Variants in ADAT3 observed in about 807,000 individuals in gnomAD.
The protein encoded by ADAT3 is tRNA-specific adenosine-34 deaminase regulatory subunit ADAT3.
ADAT3 carries 2 observed loss-of-function variants against 3.5 expected under a neutral mutation model. The ratio of observed to expected loss-of-function variants is 0.57; its 90% CI spans 0.23 to 1.79. The LOEUF is 1.79. Ranked by LOEUF, ADAT3 falls within the 40% of genes most tolerant of loss-of-function variation. The probability of loss-of-function intolerance (pLI) is 0.18; values close to 1 mark genes in which losing one functional copy is unlikely to be tolerated. For missense variants in ADAT3, 735 were observed against 571.4 expected (o/e 1.29, Z -2.92); for synonymous variants, 358 against 270.3 (o/e 1.32, Z -3.18).
In ADAT3 at chr19:1,913,175, C is replaced by T; in HGVS notation, c.*24C>T. On this transcript the variant is annotated 3_prime_UTR_variant, in exon 2 of 2. Coordinates refer to ENST00000329478, the MANE Select transcript of ADAT3 (RefSeq NM_138422.4). ...AGGCGCCGCCCTCCTGCCTCCGGAC[C>T]CTTCCCGCTCCCGGCCGTGGGGCGC... The T allele has an allele frequency of 1.3e-6, 2 of 1,489,508 alleles. No individual in the cohort carries two copies. The highest frequency in any genetic ancestry group is 1.8e-6 in the Non-Finnish European group (2 of 1,120,590). The allele number at this position is 1,489,508 out of a possible 1,614,324, so 92.3% of individuals were successfully genotyped here.
intron 1 of ADAT3, chr19:1,905,661 G>A (rs1046217307): frequency 5.0e-5 from 8 of 158,682 alleles, no homozygotes; most frequent in African/African-American, 1.7e-4. Flanking sequence ...GCTGGCCTGG[G>A]GGAAGCCTCA....
chr19:1,908,778 T>G lies in ADAT3; in HGVS notation c.-158-3112T>G. On this transcript the variant is annotated intron_variant, in intron 1 of 1. Coordinates refer to ENST00000329478, the MANE Select transcript of ADAT3 (RefSeq NM_138422.4). This position sits in a 1 kb window ranked among gnomAD's most constrained non-coding sequence, Gnocchi z 4.2. ...TCTCCTGAGTAGCTGGGACTACATG[T>G]GCACACCACCGTGCCCAACTAATTT... The G allele has an allele frequency of 5.7e-6, 2 of 352,570 alleles. No individual in the cohort carries two copies. The highest frequency in any genetic ancestry group is 1.1e-5 in the Non-Finnish European group (2 of 180,066). 21.8% of individuals were successfully genotyped at this position (352,570 alleles called of 1,614,324 possible). A position where few individuals can be genotyped will look rare whatever the true frequency, so the allele number is the denominator to read the frequency against.
Position 1,912,473 on chromosome 19 carries a change from G to T in ADAT3, c.426G>T (p.Val142=). 1.3e-6 allele frequency: 2 copies of T among 1,500,286 alleles called. No homozygotes were observed. Among genetic ancestry groups the T allele is most frequent in the Non-Finnish European group, 1.8e-6 (2 of 1,132,076 alleles). The allele number at this position is 1,500,286 out of a possible 1,614,324, so 92.9% of individuals were successfully genotyped here. ...DPRGLGQPFL[V]PVPARPPLTR... The stretch of plus-strand genomic sequence containing the variant: ...GCGGCCTGGGGCAACCCTTCCTGGT[G>T]CCCGTGCCCGCCCGGCCGCCTCTGA... Residue 142 remains valine, a synonymous_variant, in exon 2 of 2, where the codon GTG becomes GTT. Transcript: ENST00000329478.
At chr19:1,911,563 G>A (rs555093990) in intron 1 of ADAT3, among the ~76,000 whole-genome samples, 3 of 152,172 alleles carry the variant, frequency 2.0e-5, no homozygotes, top group African/African-American at 4.8e-5. Context: ...GGTGGATCAC[G>A]TGAGGTTAGG....
chr19:1,905,788 A>T (rs940486593), intron 1 of ADAT3: 2 of 152,382 alleles, frequency 1.3e-5, no homozygotes, highest in African/African-American at 4.8e-5. Flanking sequence ...CATGTCCCGC[A>T]GTCCCCTGCC....
In ADAT3 at chr19:1,913,424, G is replaced by A. The variant is rs2013608384; in HGVS notation, c.*273G>A. ...CGCGGGCCGGGAAACTGCTCTGATG[G>A]GAAAATAAACAGCCCAAAACCAAGT... On this transcript the variant is annotated 3_prime_UTR_variant, in exon 2 of 2. Transcript: ENST00000329478. 1.4e-5 allele frequency: 8 copies of A among 571,044 alleles called. No homozygotes were observed. The South Asian group carries it at 1.8e-4, about 13-fold the overall frequency. The allele number at this position is 571,044 out of a possible 1,614,324, so 35.4% of individuals were successfully genotyped here. A position where few individuals can be genotyped will look rare whatever the true frequency, so the allele number is the denominator to read the frequency against.
intron 1 of ADAT3, 121 bp downstream of exon 1, chr19:1,905,560 G>A (rs754065): frequency 3.4e-6 from 1 of 290,632 alleles, no homozygotes; most frequent in Non-Finnish European, 7.6e-6. Flanking sequence ...GGAGAAAACG[G>A]GGGGCCCAGG....
chr19:1,908,416 G>A lies in ADAT3; in HGVS notation c.-159+2977G>A. 2.2e-6 allele frequency: 1 copy of A among 457,458 alleles called. No homozygotes were observed. Among genetic ancestry groups the A allele is most frequent in the Non-Finnish European group, 4.6e-6 (1 of 219,482 alleles). The allele number at this position is 457,458 out of a possible 1,614,324, so 28.3% of individuals were successfully genotyped here. On this transcript the variant is annotated intron_variant, in intron 1 of 1. Coordinates refer to ENST00000329478, the MANE Select transcript of ADAT3 (RefSeq NM_138422.4). The surrounding 1 kb of genome is among the most constrained non-coding windows in gnomAD (Gnocchi z 4.2). ...CCCCGGCGGCTGAGGCGTGGACCAGGCAGTGCATGTCGAGGAGTAGCACCC... is the reference window on the plus strand; with the variant it reads ...CCCCGGCGGCTGAGGCGTGGACCAGACAGTGCATGTCGAGGAGTAGCACCC...
At position 1,910,395 on chromosome 19, in the gene ADAT3, G is replaced by A. The variant is rs571403674; in HGVS notation, c.-158-1495G>A. ...CTGCTTCCAGGCTCTGGCTTCTGGA[G>A]ATGCAGAGATCACATCAGTGGTTGC... On this transcript the variant is annotated intron_variant, in intron 1 of 1. Transcript: ENST00000329478. 8.6e-4 allele frequency among the ~76,000 whole-genome samples: 131 copies of A among 152,326 alleles called. 1 individual carries two copies. Among genetic ancestry groups the A allele is most frequent in the African/African-American group, 2.4e-3 (99 of 41,576 alleles).
chr19:1,912,930 T>A lies in ADAT3; in HGVS notation c.883T>A (p.Cys295Ser), dbSNP rs2013562459. ...AGACGAGGACGGCCTCCCCTACCTG[T>A]GCACTGGCTACGACCTGTACGTGAC... ...DADEDGLPYL[C>S]TGYDLYVTRE... The change falls in exon 2 of 2, where the codon TGC becomes AGC. Residue 295 changes from cysteine (C) to serine (S), a missense_variant. Transcript: ENST00000329478. 1 of 1,610,176 alleles carries A rather than the reference T, an allele frequency of 6.2e-7. No homozygotes were observed.
In ADAT3 at chr19:1,911,956, C is replaced by T. The variant is rs2013473683; in HGVS notation, c.-92C>T. ...CCTGGGCCGGAGCCCTCGGACTAGC[C>T]TCAGCTTTGGTGGCAGCACGCCCTG... On this transcript the variant is annotated 5_prime_UTR_variant, in exon 2 of 2. Coordinates refer to ENST00000329478, the MANE Select transcript of ADAT3 (RefSeq NM_138422.4). The T allele has an allele frequency of 5.7e-6, 8 of 1,399,362 alleles. No homozygotes were observed. Among genetic ancestry groups the T allele is most frequent in the Non-Finnish European group, 7.4e-6 (8 of 1,081,618 alleles). The allele number at this position is 1,399,362 out of a possible 1,614,324, so 86.7% of individuals were successfully genotyped here. A position where few individuals can be genotyped will look rare whatever the true frequency, so the allele number is the denominator to read the frequency against.
chr19:1,908,609 C>T lies in ADAT3; in HGVS notation c.-159+3170C>T. 1 of 470,714 alleles carries T rather than the reference C, an allele frequency of 2.1e-6. No homozygotes were observed. Among genetic ancestry groups the T allele is most frequent in the Non-Finnish European group, 4.4e-6 (1 of 226,932 alleles). The allele number at this position is 470,714 out of a possible 1,614,324, so 29.2% of individuals were successfully genotyped here. Reference sequence around the variant, plus strand: ...CCAGCACCATCTGAGGCAGTACTGTCTGCTAGAAATAACTGTGAGCACACA... The same window carrying T: ...CCAGCACCATCTGAGGCAGTACTGTTTGCTAGAAATAACTGTGAGCACACA... On this transcript the variant is annotated intron_variant, in intron 1 of 1. Coordinates refer to ENST00000329478, the MANE Select transcript of ADAT3 (RefSeq NM_138422.4). This position sits in a 1 kb window ranked among gnomAD's most constrained non-coding sequence, Gnocchi z 4.2.
rs774629013 is a variant in ADAT3, at chr19:1,913,158, C to T, written c.*7C>T. The stretch of plus-strand genomic sequence containing the variant: ...GCTGGACCCCGACACGTAGGCGCCG[C>T]CCTCCTGCCTCCGGACCCTTCCCGC... On this transcript the variant is annotated 3_prime_UTR_variant, in exon 2 of 2. Transcript: ENST00000329478. 124 of 1,530,416 alleles carry T rather than the reference C, an allele frequency of 8.1e-5. No individual in the cohort carries two copies. In the Middle Eastern group the frequency reaches 2.4e-3, roughly 30 times the overall value. 94.8% of individuals were successfully genotyped at this position (1,530,416 alleles called of 1,614,324 possible). A position where few individuals can be genotyped will look rare whatever the true frequency, so the allele number is the denominator to read the frequency against.
rs1304620717 is a variant in ADAT3, at chr19:1,912,922, C to CCTACCTGTGCACTGGCTA, written c.877_894dup (p.Tyr293_Tyr298dup). On this transcript the variant is annotated inframe_insertion, in exon 2 of 2. Coordinates refer to ENST00000329478, the MANE Select transcript of ADAT3 (RefSeq NM_138422.4). Reference sequence around the variant, plus strand: ...CTGGACGCAGACGAGGACGGCCTCCCCTACCTGTGCACTGGCTACGACCTG... The same window carrying CCTACCTGTGCACTGGCTA: ...CTGGACGCAGACGAGGACGGCCTCCCCTACCTGTGCACTGGCTACTACCTGTGCACTGGCTACGACCTG... 3.1e-6 allele frequency: 5 copies of CCTACCTGTGCACTGGCTA among 1,610,028 alleles called. No individual in the cohort carries two copies. In the African/African-American group the frequency reaches 6.7e-5, roughly 21 times the overall value.
In ADAT3 at chr19:1,912,222, G is replaced by C; in HGVS notation, c.175G>C (p.Val59Leu). ...SEKQSGDVEL[V>L]LAYAAPVLDK... Reference sequence around the variant, plus strand: ...GAAGCAGTCAGGGGACGTGGAGCTGGTGCTGGCCTACGCCGCGCCCGTCCT... The same window carrying C: ...GAAGCAGTCAGGGGACGTGGAGCTGCTGCTGGCCTACGCCGCGCCCGTCCT... The change falls in exon 2 of 2, where the codon GTG becomes CTG. Residue 59 changes from valine to leucine, a missense_variant. Physicochemically the swap from Val to Leu is conservative, Grantham distance 32. Transcript: ENST00000329478. 1 of 1,594,980 alleles carries C rather than the reference G, an allele frequency of 6.3e-7. No individual in the cohort carries two copies. Among genetic ancestry groups the C allele is most frequent in the Non-Finnish European group, 8.5e-7 (1 of 1,173,852 alleles).
intron 1 of ADAT3, among the ~76,000 whole-genome samples, chr19:1,907,567 C>G (rs1172338458): frequency 6.6e-6 from 1 of 152,112 alleles, no homozygotes; most frequent in Non-Finnish European, 1.5e-5. Flanking sequence ...TACCCAGGTC[C>G]CGGCGCGGAC....
At chr19:1,910,904 G>GT (rs1385442540) in intron 1 of ADAT3, among the ~76,000 whole-genome samples, 1 of 151,246 alleles carries the variant, frequency 6.6e-6, no homozygotes, top group East Asian at 1.9e-4. Context: ...GTCTCGCGCT[G>GT]TTACCAGGCT....
Position 1,908,304 on chromosome 19 carries a change from T to G in ADAT3, c.-159+2865T>G, listed in dbSNP as rs1162728964. 10 of 332,592 alleles carry G rather than the reference T, an allele frequency of 3.0e-5. No homozygotes were observed. The highest frequency in any genetic ancestry group is 4.2e-5 in the Non-Finnish European group (7 of 167,614). The allele number at this position is 332,592 out of a possible 1,614,324, so 20.6% of individuals were successfully genotyped here. A position where few individuals can be genotyped will look rare whatever the true frequency, so the allele number is the denominator to read the frequency against. ...CTGTGCTTTGTTGAACGCGTGAGCT[T>G]CGGGCAGCGCTGGGGCCGCTTCAGC... On this transcript the variant is annotated intron_variant, in intron 1 of 1. Coordinates refer to ENST00000329478, the MANE Select transcript of ADAT3 (RefSeq NM_138422.4). This position sits in a 1 kb window ranked among gnomAD's most constrained non-coding sequence, Gnocchi z 4.2.
In ADAT3 at chr19:1,908,389, C is replaced by T. The variant is rs1244606173; in HGVS notation, c.-159+2950C>T. The T allele has an allele frequency of 5.1e-5, 21 of 410,418 alleles. No individual in the cohort carries two copies. The highest frequency in any genetic ancestry group is 1.3e-4 in the South Asian group (7 of 55,276). 25.4% of individuals were successfully genotyped at this position (410,418 alleles called of 1,614,324 possible). A position where few individuals can be genotyped will look rare whatever the true frequency, so the allele number is the denominator to read the frequency against. ...GGCTGCTGGTCCCCCATCTGTGGGG[C>T]GCCCCGGCGGCTGAGGCGTGGACCA... On this transcript the variant is annotated intron_variant, in intron 1 of 1. Coordinates refer to ENST00000329478, the MANE Select transcript of ADAT3 (RefSeq NM_138422.4). The surrounding 1 kb of genome is among the most constrained non-coding windows in gnomAD (Gnocchi z 4.2).
Sources: gnomAD v4.1 joint callset for allele counts (sites outside exome capture counted in the v4.1 genomes callset) on GRCh38, gnomAD v4.1.1 for gene constraint, Gnocchi (gnomAD v3.1) non-coding constraint, MANE v1.5 for transcripts, NCBI Gene and HGNC (gene_info 2026-07-23, HGNC 2026-07-21) for gene names.